The following NELL1 variants were observed in gnomAD, a reference collection of about 807,000 sequenced individuals.
NELL1 encodes neural EGFL like 1.
A neutral mutation model predicts 107.4 loss-of-function variants in NELL1; 76 were observed. That is an observed-to-expected ratio of 0.71 (90% CI 0.59 to 0.86). The LOEUF (loss-of-function observed/expected upper bound fraction) is 0.86, where lower values mean the gene tolerates loss of function less well. Among genes scored for constraint, NELL1 ranks in the 40% least tolerant of loss-of-function variants. NELL1 has a pLI of 0.00. For synonymous variants in NELL1, 353 were observed against 341.2 expected (o/e 1.03, Z -0.38); for missense variants, 1,024 against 1,005.5 (o/e 1.02, Z -0.25).
intron 14 of NELL1, among the ~76,000 whole-genome samples, chr11:21,342,416 G>C (rs1342262611): frequency 6.7e-6 from 1 of 148,802 alleles, no homozygotes; most frequent in Admixed American, 6.7e-5. Flanking sequence ...TTAAGTGGGG[G>C]GGGGGGTCAC....
chr11:21,336,643 ATGTG>A (rs67259972), intron 14 of NELL1, among the ~76,000 whole-genome samples: 3,051 of 130,692 alleles, frequency 0.023, 121 homozygotes, highest in African/African-American at 0.077. Context: ...ACTGCTTCAT[ATGTG>A]TGTGTATATA....
chr11:20,857,931 G>A (rs1848913409), intron 4 of NELL1, among the ~76,000 whole-genome samples: 1 of 152,200 alleles, frequency 6.6e-6, no homozygotes, highest in African/African-American at 2.4e-5. Flanking sequence ...CCAAGCTCCA[G>A]TATTCCTTGA....
chr11:21,337,772 CTTTCT>C (rs1565175288), intron 14 of NELL1, among the ~76,000 whole-genome samples: 10 of 141,262 alleles, frequency 7.1e-5, no homozygotes, highest in South Asian at 2.4e-4. Context: ...TTCTTTCTTT[CTTTCT>C]TTCTTTCTTT....
At position 20,939,310 on chromosome 11, in the gene NELL1, A is replaced by G. The variant is rs115194283; in HGVS notation, c.1071+1451A>G. Among the ~76,000 whole-genome samples, 649 of 151,838 alleles carry G rather than the reference A, an allele frequency of 4.3e-3. 3 individuals are homozygous for G. Among genetic ancestry groups the G allele is most frequent in the African/African-American group, 0.015 (604 of 41,280 alleles). On this transcript the variant is annotated intron_variant, in intron 10 of 19. Transcript: ENST00000357134. ...CTGGCTAACGTAGGTAAAAATGACA[A>G]TGTTATTGAAATGATATTGGGGGAC... is the stretch of plus-strand genomic sequence containing the variant.
chr11:21,177,940 T>C (rs1856746778), intron 13 of NELL1, among the ~76,000 whole-genome samples: 1 of 151,916 alleles, frequency 6.6e-6, no homozygotes, highest in African/African-American at 2.4e-5. Flanking sequence ...ATGCAGGTGC[T>C]TTGCTCATTT....
chr11:20,944,330 A>AT (rs955491471), intron 10 of NELL1, among the ~76,000 whole-genome samples: 21 of 151,364 alleles, frequency 1.4e-4, no homozygotes, highest in Non-Finnish European at 2.7e-4. Context: ...AATTAACATA[A>AT]TTTTTAAAAA....
At chr11:20,810,920 T>C (rs1462266524) in intron 3 of NELL1, among the ~76,000 whole-genome samples, 1 of 152,094 alleles carries the variant, frequency 6.6e-6, no homozygotes, top group Non-Finnish European at 1.5e-5. Context: ...ATCAGATGTA[T>C]AGTTTGCAAA....
intron 15 of NELL1, among the ~76,000 whole-genome samples, chr11:21,478,104 G>C (rs1216696604): frequency 6.6e-6 from 1 of 152,032 alleles, no homozygotes; most frequent in East Asian, 1.9e-4. Context: ...TAAGCATGGT[G>C]GAAGGTGAAG....
In NELL1 at chr11:20,755,865, GTTTTTTTTTTTTTTT is replaced by G. The variant is rs574606148; in HGVS notation, c.185-27786_185-27772del. On this transcript the variant is annotated intron_variant, in intron 2 of 19. Coordinates refer to ENST00000357134, the MANE Select transcript of NELL1 (RefSeq NM_006157.5). ...GCCACCACGCCCAGCCAGACCTGCG[GTTTTTTTTTTTTTTT>G]TTTTTTTTTTTTTTTTTTTTTTTTT... 4.1e-3 allele frequency among the ~76,000 whole-genome samples: 505 copies of G among 122,080 alleles called. 3 individuals are homozygous for G. The highest frequency in any genetic ancestry group is 0.016 in the African/African-American group (474 of 30,294). The allele number at this position is 122,080 out of a possible 152,430, so 80.1% of individuals were successfully genotyped here.
chr11:20,854,057 T>G (rs1848836924), intron 4 of NELL1, among the ~76,000 whole-genome samples: 1 of 152,180 alleles, frequency 6.6e-6, no homozygotes, highest in Non-Finnish European at 1.5e-5. Flanking sequence ...ATGGCTTTTA[T>G]GAAAGGATGT....
At chr11:20,820,818 T>C (rs1857733502) in intron 3 of NELL1, among the ~76,000 whole-genome samples, 1 of 152,196 alleles carries the variant, frequency 6.6e-6, no homozygotes, top group African/African-American at 2.4e-5. Context: ...TTGATAGCTG[T>C]CTCTAGCGTA....
intron 15 of NELL1, among the ~76,000 whole-genome samples, chr11:21,499,727 C>T (rs1469985721): frequency 1.3e-5 from 2 of 152,064 alleles, no homozygotes; most frequent in Non-Finnish European, 2.9e-5. Flanking sequence ...TGTCATGACT[C>T]TCTGGGAAAG....
chr11:21,394,852 A>G (rs1196489600), intron 15 of NELL1, among the ~76,000 whole-genome samples: 2 of 151,562 alleles, frequency 1.3e-5, no homozygotes, highest in South Asian at 4.1e-4. Context: ...TTAAGGATAT[A>G]CATTGAAAAT....
chr11:21,023,783 G>T (rs1221615766), intron 12 of NELL1, among the ~76,000 whole-genome samples: 1 of 152,058 alleles, frequency 6.6e-6, no homozygotes, highest in East Asian at 1.9e-4. Context: ...GTGCACAGGT[G>T]CCTGGTGTGG....
chr11:21,222,222 G>A (rs1020977047), intron 13 of NELL1, among the ~76,000 whole-genome samples: 12 of 151,754 alleles, frequency 7.9e-5, no homozygotes, highest in African/African-American at 2.9e-4. Flanking sequence ...CTCTGTCGCC[G>A]AGGCTGGATG....
chr11:21,019,425 G>A (rs1852646483), intron 12 of NELL1, among the ~76,000 whole-genome samples: 3 of 152,032 alleles, frequency 2.0e-5, no homozygotes, highest in South Asian at 4.2e-4. Flanking sequence ...GCACAGTATG[G>A]TATACTCTGA....
chr11:20,900,609 AATTTTATG>A (rs778699392), intron 5 of NELL1, among the ~76,000 whole-genome samples: 18 of 152,112 alleles, frequency 1.2e-4, no homozygotes, highest in Non-Finnish European at 2.2e-4. Flanking sequence ...CCACTCATCT[AATTTTATG>A]AGCATAGGTC....
In NELL1 at chr11:21,217,596, C is replaced by T. The variant is rs868822795; in HGVS notation, c.1427-11736C>T. ...GGTAGTTTGAGTTTCAGAAGTACAA[C>T]CTATTATTGATATTTATGTGCTTAT... On this transcript the variant is annotated intron_variant, in intron 13 of 19. Transcript: ENST00000357134. Among the ~76,000 whole-genome samples, 39 of 152,180 alleles carry T rather than the reference C, an allele frequency of 2.6e-4. 1 individual carries two copies. Among genetic ancestry groups the T allele is most frequent in the Middle Eastern group, 3.4e-3 (1 of 294 alleles).
intron 16 of NELL1, among the ~76,000 whole-genome samples, chr11:21,543,767 C>T (rs138615200): frequency 4.6e-5 from 7 of 152,076 alleles, no homozygotes; most frequent in South Asian, 2.1e-4. Flanking sequence ...GCACCTCCTC[C>T]GTTTCGATGA....
Sources: gnomAD v4.1 joint callset for allele counts (sites outside exome capture counted in the v4.1 genomes callset) on GRCh38, gnomAD v4.1.1 for gene constraint, MANE v1.5 for transcripts, NCBI Gene and HGNC (gene_info 2026-07-23, HGNC 2026-07-21) for gene names.